The following NT5E variants were observed in gnomAD, a reference collection of about 807,000 sequenced individuals.
NT5E encodes 5'-nucleotidase ecto.
NT5E carries 53 observed loss-of-function variants against 55.1 expected under a neutral mutation model. The observed-to-expected ratio is 0.96, with a 90% confidence interval of 0.77 to 1.21. The LOEUF (loss-of-function observed/expected upper bound fraction) is 1.21, where lower values mean the gene tolerates loss of function less well. NT5E is among the 50% of genes most tolerant of loss of function. NT5E has a pLI of 0.00. For synonymous variants in NT5E, 270 were observed against 278.4 expected (o/e 0.97, Z 0.30); for missense variants, 683 against 724.3 (o/e 0.94, Z 0.65).
In NT5E at chr6:85,494,473, T is replaced by G. The variant is rs1365031809; in HGVS notation, c.*469T>G. The G allele has an allele frequency of 1.1e-5, 2 of 186,920 alleles. No homozygotes were observed. Among genetic ancestry groups the G allele is most frequent in the African/African-American group, 4.8e-5 (2 of 41,768 alleles). 11.6% of individuals were successfully genotyped at this position (186,920 alleles called of 1,614,324 possible). A position where few individuals can be genotyped will look rare whatever the true frequency, so the allele number is the denominator to read the frequency against. ...AACTGAAGCTCAAAAAGGGTTGACTTGACCATACAGCTAATGCTGACAGAT... is the reference window on the plus strand; with the variant it reads ...AACTGAAGCTCAAAAAGGGTTGACTGGACCATACAGCTAATGCTGACAGAT... On this transcript the variant is annotated 3_prime_UTR_variant, in exon 9 of 9. Coordinates refer to ENST00000257770, the MANE Select transcript of NT5E (RefSeq NM_002526.4).
At chr6:85,467,342 G>T in intron 2 of NT5E, 60 bp downstream of exon 2, 2 of 1,394,716 alleles carry the variant, frequency 1.4e-6, no homozygotes, top group Non-Finnish European at 2.0e-6. Flanking sequence ...TCACAGCTTG[G>T]CATTATATTT....
intron 1 of NT5E, among the ~76,000 whole-genome samples, chr6:85,462,566 C>T (rs1378239820): frequency 7.2e-5 from 11 of 152,168 alleles, no homozygotes; most frequent in Admixed American, 5.9e-4. Flanking sequence ...TGTCTCTAAC[C>T]ATCTGTCCAC....
chr6:85,454,044 A>G lies in NT5E; in HGVS notation c.339+3566A>G, dbSNP rs561176164. ...TGTCCATGTTGCCCTAGATGCCCTT[A>G]TACCTATACATCACTGTGAATTGTG... On this transcript the variant is annotated intron_variant, in intron 1 of 8. Coordinates refer to ENST00000257770, the MANE Select transcript of NT5E (RefSeq NM_002526.4). 5.3e-5 allele frequency among the ~76,000 whole-genome samples: 8 copies of G among 152,254 alleles called. No homozygotes were observed. In the South Asian group the frequency reaches 1.7e-3, roughly 32 times the overall value.
rs761721164 is a variant in NT5E, at chr6:85,450,367, C to A, written c.228C>A (p.Pro76=). ...TKVQQIRRAE[P]NVLLLDAGDQ... ...TTCAGCAGATCCGCCGCGCCGAACC[C>A]AACGTGCTGCTGCTGGACGCCGGCG... Residue 76 remains proline (P), a synonymous_variant, in exon 1 of 9, where the codon CCC becomes CCA. Coordinates refer to ENST00000257770, the MANE Select transcript of NT5E (RefSeq NM_002526.4). The surrounding 1 kb of genome is among the most constrained non-coding windows in gnomAD (Gnocchi z 4.0). The A allele has an allele frequency of 6.3e-7, 1 of 1,597,348 alleles. No homozygotes were observed. Among genetic ancestry groups the A allele is most frequent in the Non-Finnish European group, 8.5e-7 (1 of 1,173,220 alleles).
At chr6:85,476,214 C>T (rs770941019) in intron 3 of NT5E, among the ~76,000 whole-genome samples, 3 of 152,254 alleles carry the variant, frequency 2.0e-5, no homozygotes, top group Admixed American at 1.3e-4. Flanking sequence ...GACACCTCCA[C>T]TCCATTTCAG....
chr6:85,452,917 C>T (rs1041222186), intron 1 of NT5E, among the ~76,000 whole-genome samples: 5 of 152,060 alleles, frequency 3.3e-5, no homozygotes, highest in African/African-American at 1.2e-4. Flanking sequence ...GGAGACTGGA[C>T]CTAGTTCAAA....
intron 1 of NT5E, 119 bp from the exon 2 acceptor site, chr6:85,466,941 T>C: frequency 1.1e-6 from 1 of 945,788 alleles, no homozygotes; most frequent in Non-Finnish European, 1.7e-6. Flanking sequence ...CTGACCCAGG[T>C]GAGGAGGACA....
chr6:85,492,051 T>G lies in NT5E; in HGVS notation c.1435T>G (p.Cys479Gly). 1 of 1,614,216 alleles carries G rather than the reference T, an allele frequency of 6.2e-7. No homozygotes were observed. The highest frequency in any genetic ancestry group is 1.7e-5 in the Admixed American group (1 of 60,030). The change falls in exon 8 of 9, where the codon TGT becomes GGT. Residue 479 changes from cysteine to glycine, a missense_variant. Physicochemically the swap from Cys to Gly is radical, Grantham distance 159. Coordinates refer to ENST00000257770, the MANE Select transcript of NT5E (RefSeq NM_002526.4). ...VVKLDVLCTK[C>G]RVPSYDPLKM... ...CAAATTAGATGTTCTTTGCACCAAG[T>G]GTCGAGTGCCCAGTTATGACCCTCT... is the stretch of plus-strand genomic sequence containing the variant.
At chr6:85,468,234 T>A (rs1482537013) in intron 2 of NT5E, among the ~76,000 whole-genome samples, 2 of 152,206 alleles carry the variant, frequency 1.3e-5, no homozygotes, top group Non-Finnish European at 2.9e-5. Context: ...AACAGAAAAG[T>A]CAGCTGTGTT....
rs368274173 is a variant in NT5E, at chr6:85,485,387, T to A, written c.904T>A (p.Ser302Thr). 2 of 1,614,214 alleles carry A rather than the reference T, an allele frequency of 1.2e-6. No homozygotes were observed. Among genetic ancestry groups the A allele is most frequent in the Non-Finnish European group, 1.7e-6 (2 of 1,180,036 alleles). The change falls in exon 4 of 9, where the codon TCT becomes ACT. Residue 302 changes from serine (S) to threonine (T), a missense_variant. Coordinates refer to ENST00000257770, the MANE Select transcript of NT5E (RefSeq NM_002526.4). ...GTTTGATGAAAGAGGAAACGTCATC[T>A]CTTCCCATGGAAATCCCATTCTTCT... The part of the protein sequence containing the change: ...IEFDERGNVI[S>T]SHGNPILLNS...
chr6:85,475,547 C>T (rs929825816), intron 3 of NT5E, among the ~76,000 whole-genome samples: 11 of 152,180 alleles, frequency 7.2e-5, no homozygotes, highest in South Asian at 2.1e-4. Flanking sequence ...AAAATGCAAA[C>T]GCTTTCTCTA....
intron 1 of NT5E, among the ~76,000 whole-genome samples, chr6:85,457,975 C>G (rs977512064): frequency 6.6e-6 from 1 of 152,156 alleles, no homozygotes; most frequent in African/African-American, 2.4e-5. Context: ...AGCTAAAGAT[C>G]TGGTCTGTAG....
chr6:85,475,456 A>G (rs1379777060), intron 3 of NT5E, among the ~76,000 whole-genome samples: 1 of 152,214 alleles, frequency 6.6e-6, no homozygotes, highest in Non-Finnish European at 1.5e-5. Context: ...GCATTGGCTG[A>G]CCAGTCTAAC....
At chr6:85,493,063 A>G (rs979790827) in intron 8 of NT5E, among the ~76,000 whole-genome samples, 2 of 152,196 alleles carry the variant, frequency 1.3e-5, no homozygotes, top group African/African-American at 4.8e-5. Context: ...CCACCACTCA[A>G]GCCTAGACTG....
chr6:85,491,938 C>A, intron 7 of NT5E, 39 bp from the exon 8 acceptor site: 1 of 1,585,668 alleles, frequency 6.3e-7, no homozygotes, highest in African/African-American at 1.3e-5. Flanking sequence ...CAGAAATCTC[C>A]CTTTGGATCT....
In NT5E at chr6:85,489,515, A is replaced by G. The variant is rs2229523; in HGVS notation, c.1126A>G (p.Thr376Ala). The G allele has an allele frequency of 0.7, 1,122,906 of 1,611,060 alleles. 397,207 individuals carry two copies. Among genetic ancestry groups the G allele is most frequent in the African/African-American group, 0.93 (69,661 of 74,930 alleles). Reference sequence around the variant, plus strand: ...GCAGATTAACAACAACCTGAGACACACGGATGAAATGTTCTGGAACCACGT... The same window carrying G: ...GCAGATTAACAACAACCTGAGACACGCGGATGAAATGTTCTGGAACCACGT... ...DAMINNNLRH[T>A]DEMFWNHVSM... Residue 376 changes from threonine to alanine, a missense_variant, in exon 6 of 9, where the codon ACG becomes GCG. Transcript: ENST00000257770.
intron 3 of NT5E, among the ~76,000 whole-genome samples, chr6:85,480,536 C>T (rs965376169): frequency 1.3e-5 from 2 of 152,114 alleles, no homozygotes; most frequent in Non-Finnish European, 2.9e-5. Flanking sequence ...GAAGGTGCTC[C>T]TAGACTAGCA....
chr6:85,484,406 C>G, intron 3 of NT5E, among the ~76,000 whole-genome samples: 1 of 152,186 alleles, frequency 6.6e-6, no homozygotes, highest in East Asian at 1.9e-4. Context: ...ACTCTCCACC[C>G]TCCTGCATAC....
chr6:85,489,470 T>G, intron 5 of NT5E, 24 bp from the exon 6 acceptor site: 2 of 1,511,570 alleles, frequency 1.3e-6, no homozygotes, highest in Non-Finnish European at 1.8e-6. Flanking sequence ...GAGTAACTAG[T>G]GTAAATCTGT....
Sources: allele counts gnomAD v4.1 joint callset (sites outside exome capture counted in the v4.1 genomes callset), GRCh38; gene constraint gnomAD v4.1.1; non-coding constraint Gnocchi (gnomAD v3.1); transcripts MANE v1.5; gene names NCBI Gene and HGNC (gene_info 2026-07-23, HGNC 2026-07-21).